The following ADGRL3 variants were observed in gnomAD, a reference collection of about 807,000 sequenced individuals.
ADGRL3 encodes adhesion G protein-coupled receptor L3, also known as calcium-independent alpha-latrotoxin receptor 3.
A neutral mutation model predicts 153.5 loss-of-function variants in ADGRL3; 62 were observed. That is an observed-to-expected ratio of 0.40 (90% CI 0.33 to 0.50). The LOEUF is 0.50. Among genes scored for constraint, ADGRL3 ranks in the 20% least tolerant of loss-of-function variants. The probability of loss-of-function intolerance (pLI) is 0.47; values close to 1 mark genes in which losing one functional copy is unlikely to be tolerated. For missense variants in ADGRL3, 1,641 were observed against 1,859.4 expected, an observed-to-expected ratio of 0.88 and a Z score of 2.16; for synonymous variants, 710 against 672.5, an observed-to-expected ratio of 1.06 and a Z score of -0.86.
chr4:61,326,961 A>G (rs2095477779), intron 1 of ADGRL3, among the ~76,000 whole-genome samples: 1 of 151,988 alleles, frequency 6.6e-6, no homozygotes, highest in African/African-American at 2.4e-5. Context: ...TATTTATTTG[A>G]TATAGGGTTA....
chr4:61,546,486 T>C (rs1287289189), intron 4 of ADGRL3, among the ~76,000 whole-genome samples: 1 of 152,206 alleles, frequency 6.6e-6, no homozygotes, highest in Non-Finnish European at 1.5e-5. Context: ...TATTATTTCC[T>C]AGTTATTTTT....
At chr4:61,625,488 G>A (rs991911555) in intron 5 of ADGRL3, among the ~76,000 whole-genome samples, 4 of 152,002 alleles carry the variant, frequency 2.6e-5, no homozygotes, top group Non-Finnish European at 2.9e-5. Context: ...ATTGGTGTAT[G>A]TATATATATC....
chr4:61,672,307 C>A (rs555137567), intron 5 of ADGRL3, among the ~76,000 whole-genome samples: 20 of 152,186 alleles, frequency 1.3e-4, no homozygotes, highest in Middle Eastern at 6.8e-3. Flanking sequence ...ATTGAAGAGT[C>A]AGTCCTTTCC....
At chr4:61,687,333 C>A (rs954840502) in intron 6 of ADGRL3, among the ~76,000 whole-genome samples, 1 of 151,696 alleles carries the variant, frequency 6.6e-6, no homozygotes, top group African/African-American at 2.4e-5. Flanking sequence ...TGAGTAGTTC[C>A]AATCTAATTA....
intron 9 of ADGRL3, among the ~76,000 whole-genome samples, chr4:61,815,482 T>C (rs1314508853): frequency 6.6e-6 from 1 of 152,096 alleles, no homozygotes; most frequent in African/African-American, 2.4e-5. Flanking sequence ...ATGGGGAAAT[T>C]AGGTGTGTGT....
At chr4:61,996,964 T>A (rs568666461) in intron 20 of ADGRL3, among the ~76,000 whole-genome samples, 1 of 151,554 alleles carries the variant, frequency 6.6e-6, no homozygotes, top group Non-Finnish European at 1.5e-5. Flanking sequence ...TATGTACTTA[T>A]AATTTTAAAA....
chr4:61,707,160 T>C (rs551342055), intron 6 of ADGRL3, among the ~76,000 whole-genome samples: 2 of 152,284 alleles, frequency 1.3e-5, no homozygotes, highest in East Asian at 3.9e-4. Context: ...CCATCTTATA[T>C]AGGCATGGTT....
At chr4:62,044,719 TA>T (rs1044259954) in intron 25 of ADGRL3, among the ~76,000 whole-genome samples, 170 bp downstream of exon 25, 46 of 152,162 alleles carry the variant, frequency 3.0e-4, no homozygotes, top group African/African-American at 9.6e-4. Flanking sequence ...TAAGCTACTT[TA>T]AAAAAATCCT....
intron 9 of ADGRL3, among the ~76,000 whole-genome samples, chr4:61,834,225 C>T (rs932957325): frequency 6.7e-6 from 1 of 149,960 alleles, no homozygotes; most frequent in Non-Finnish European, 1.5e-5. Flanking sequence ...GGTTTTTTGT[C>T]CTTGCGATAG....
At chr4:61,674,606 C>T (rs1244601370) in intron 5 of ADGRL3, among the ~76,000 whole-genome samples, 1 of 151,734 alleles carries the variant, frequency 6.6e-6, no homozygotes, top group Non-Finnish European at 1.5e-5. Flanking sequence ...TTTATAGTGC[C>T]ACTTTTCCAT....
intron 1 of ADGRL3, among the ~76,000 whole-genome samples, chr4:61,324,097 C>T (rs1315753054): frequency 1.3e-5 from 2 of 152,116 alleles, no homozygotes; most frequent in East Asian, 1.9e-4. Context: ...CATCAGATCT[C>T]GTGAGACCCA....
chr4:61,311,976 T>A (rs919330970), intron 1 of ADGRL3, among the ~76,000 whole-genome samples: 1 of 152,158 alleles, frequency 6.6e-6, no homozygotes, highest in Admixed American at 6.6e-5. Flanking sequence ...GGGGAGGCTA[T>A]GCATCTATGG....
At chr4:61,304,305 C>T (rs2094691802) in intron 1 of ADGRL3, among the ~76,000 whole-genome samples, 1 of 152,132 alleles carries the variant, frequency 6.6e-6, no homozygotes, top group Admixed American at 6.5e-5. Flanking sequence ...GAATACACAC[C>T]TTGCTATTGT....
chr4:61,397,673 C>A (rs1578636024), intron 2 of ADGRL3, among the ~76,000 whole-genome samples: 2 of 151,904 alleles, frequency 1.3e-5, no homozygotes, highest in South Asian at 2.1e-4. Context: ...CATATGAATA[C>A]CTCTACCAGG....
chr4:61,427,098 G>A (rs932575295), intron 2 of ADGRL3: 1 of 145,236 alleles, frequency 6.9e-6, no homozygotes, highest in African/African-American at 2.5e-5. Flanking sequence ...TAAGGACAGT[G>A]GCCAGAGAGC....
intron 6 of ADGRL3, among the ~76,000 whole-genome samples, chr4:61,688,317 G>A (rs915751424): frequency 5.3e-5 from 8 of 151,970 alleles, no homozygotes; most frequent in Admixed American, 2.0e-4. Flanking sequence ...TTGCCTTACT[G>A]ATTTCCCTCA....
chr4:61,841,553 A>G (rs1352053261), intron 9 of ADGRL3, among the ~76,000 whole-genome samples: 1 of 152,220 alleles, frequency 6.6e-6, no homozygotes, highest in Non-Finnish European at 1.5e-5. Context: ...GGGTTAAAGA[A>G]GGCAAAAAGA....
At chr4:61,305,722 C>T (rs1161562270) in intron 1 of ADGRL3, among the ~76,000 whole-genome samples, 6 of 151,936 alleles carry the variant, frequency 3.9e-5, no homozygotes, top group Non-Finnish European at 8.8e-5. Context: ...GCAGTTAAGG[C>T]TTTATTTGGT....
chr4:62,058,390 A>T (rs951037946), intron 25 of ADGRL3, among the ~76,000 whole-genome samples: 3 of 152,164 alleles, frequency 2.0e-5, no homozygotes, highest in Non-Finnish European at 4.4e-5. Flanking sequence ...AAATTATAAG[A>T]CTACTCATAA....
Sources: allele counts gnomAD v4.1 joint callset (sites outside exome capture counted in the v4.1 genomes callset), GRCh38; gene constraint gnomAD v4.1.1; transcripts MANE v1.5; gene names NCBI Gene and HGNC (gene_info 2026-07-23, HGNC 2026-07-21).